MYLK: variants seen among roughly 807,000 people sequenced by gnomAD.
The protein encoded by MYLK is myosin light chain kinase, smooth muscle.
MYLK carries 106 observed loss-of-function variants against 203.4 expected under a neutral mutation model. The observed-to-expected ratio is 0.52, with a 90% CI of 0.45 to 0.61. The LOEUF is 0.61. Ranked by LOEUF, MYLK falls within the 20% of genes least tolerant of loss-of-function variation. MYLK has a pLI of 0.00. For missense variants in MYLK, 2,072 were observed against 2,442.3 expected (o/e 0.85, Z 3.20); for synonymous variants, 867 against 959.5 (o/e 0.90, Z 1.78).
At chr3:123,826,787 C>T (rs1265366825) in intron 3 of MYLK, among the ~76,000 whole-genome samples, 1 of 152,226 alleles carries the variant, frequency 6.6e-6, no homozygotes, top group African/African-American at 2.4e-5. Context: ...GCCTAGGTCA[C>T]TGAGAAATCA....
intron 3 of MYLK, among the ~76,000 whole-genome samples, chr3:123,802,922 T>C (rs2065244274): frequency 6.6e-6 from 1 of 152,172 alleles, no homozygotes. Flanking sequence ...ATTGAACTCC[T>C]ACCACCACTG....
intron 1 of MYLK, among the ~76,000 whole-genome samples, chr3:123,879,154 GC>G (rs1209061918): frequency 8.5e-5 from 13 of 152,190 alleles, no homozygotes; most frequent in African/African-American, 3.1e-4. Context: ...TCTTCTACGG[GC>G]CTCTGGGCTT....
intron 1 of MYLK, 75 bp downstream of exon 1, chr3:123,884,131 C>G (rs2033710767): frequency 6.6e-6 from 1 of 151,740 alleles, no homozygotes; most frequent in African/African-American, 2.4e-5. Flanking sequence ...CCAGCCCCCA[C>G]CCAGAACTCC....
rs1483625731 is a variant in MYLK at position 123,733,066 on chromosome 3, A to C, written c.1346T>G (p.Leu449Arg). 2 of 1,613,966 alleles carry C rather than the reference A, an allele frequency of 1.2e-6. No homozygotes were observed. Among genetic ancestry groups the C allele is most frequent in the African/African-American group, 2.7e-5 (2 of 74,932 alleles). Residue 449 changes from leucine to arginine, a missense_variant, in exon 11 of 34, where the codon CTG (leucine) becomes CGG (arginine). Coordinates refer to ENST00000360304, the MANE Select transcript of MYLK (RefSeq NM_053025.4). ...CTGTCTCCTCACGGGGGTGCCTTCCAGGAACCAGGCCACTTCAGGCTTTGG... is the reference window on the plus strand; with the variant it reads ...CTGTCTCCTCACGGGGGTGCCTTCCCGGAACCAGGCCACTTCAGGCTTTGG... ...GIPKPEVAWF[L>R]EGTPVRRQEG...
chr3:123,778,625 G>A (rs548853290), intron 4 of MYLK, among the ~76,000 whole-genome samples: 4 of 151,966 alleles, frequency 2.6e-5, no homozygotes, highest in Non-Finnish European at 5.9e-5. Context: ...GCCACCCTCA[G>A]AAGTAAAATC....
At position 123,700,578 on chromosome 3, in the gene MYLK, T is replaced by C. The variant is rs1244464825; in HGVS notation, c.2890A>G (p.Lys964Glu). 1 of 1,613,644 alleles carries C rather than the reference T, an allele frequency of 6.2e-7. No individual in the cohort carries two copies. Among genetic ancestry groups the C allele is most frequent in the Non-Finnish European group, 8.5e-7 (1 of 1,179,944 alleles). ...RSVLAKKGTS[K>E]TPVPEKVPPP... ...GGCACCTTCTCAGGCACGGGGGTCT[T>C]GGAAGTCCCCTTCTTGGCCAGGACA... The change falls in exon 18 of 34, where the codon AAG (lysine) becomes GAG (glutamate). Residue 964 changes from lysine to glutamate, a missense_variant. By Grantham distance (56) the Lys-to-Glu change is moderately conservative (BLOSUM62 1). This residue lies in a region of MYLK where 865 missense variants were observed against 1,016.0 expected (regional missense o/e 0.85). Coordinates refer to ENST00000360304, the MANE Select transcript of MYLK (RefSeq NM_053025.4).
rs142425294 is a variant in MYLK, at chr3:123,665,724, T to C, written c.3831+495A>G. 2.6e-4 allele frequency among the ~76,000 whole-genome samples: 40 copies of C among 152,370 alleles called. No individual in the cohort carries two copies. In the East Asian group the frequency reaches 6.9e-3, roughly 26 times the overall value. ...TTATGATAAATTGTAGCTAGATTTC[T>C]GGGTCAGTCAGACACAATTCTATTT... On this transcript the variant is annotated intron_variant, in intron 22 of 33. Coordinates refer to ENST00000360304, the MANE Select transcript of MYLK (RefSeq NM_053025.4).
intron 29 of MYLK, among the ~76,000 whole-genome samples, chr3:123,634,961 A>G (rs1356088140): frequency 6.6e-6 from 1 of 152,232 alleles, no homozygotes; most frequent in African/African-American, 2.4e-5. Context: ...GATCCGGGGT[A>G]AGAGTGTGGG....
At chr3:123,634,018 G>A (rs1044511752) in intron 29 of MYLK, among the ~76,000 whole-genome samples, 4 of 152,116 alleles carry the variant, frequency 2.6e-5, no homozygotes, top group Non-Finnish European at 4.4e-5. Flanking sequence ...CAGATGCCCC[G>A]ACTGTACCAG....
At chr3:123,721,652 C>T (rs1359235211) in intron 13 of MYLK, among the ~76,000 whole-genome samples, 1 of 151,766 alleles carries the variant, frequency 6.6e-6, no homozygotes, top group Non-Finnish European at 1.5e-5. Flanking sequence ...CCAGGGTCCC[C>T]CAGCATGTAA....
intron 9 of MYLK, chr3:123,735,090 G>T: frequency 2.4e-6 from 1 of 411,874 alleles, no homozygotes; most frequent in Non-Finnish European, 4.6e-6. Context: ...GCCCTGGAAT[G>T]AGGAAGGCGG....
At chr3:123,865,165 T>C (rs1388022851) in intron 2 of MYLK, among the ~76,000 whole-genome samples, 2 of 152,206 alleles carry the variant, frequency 1.3e-5, no homozygotes, top group Non-Finnish European at 2.9e-5. Context: ...TCAACAATAT[T>C]TGATGACTCT....
chr3:123,704,040 T>C (rs2061353884), intron 16 of MYLK, among the ~76,000 whole-genome samples: 1 of 152,232 alleles, frequency 6.6e-6, no homozygotes, highest in African/African-American at 2.4e-5. Flanking sequence ...CCATGACCTG[T>C]GCTCAAGGTG....
At position 123,640,459 on chromosome 3, in the gene MYLK, A is replaced by G; in HGVS notation, c.4665T>C (p.Phe1555=). ...ELFERIIDED[F]ELTERECIKY... ...TGATGCACTCACGCTCCGTCAGCTC[A>G]AAGTCCTCGTCAATGATGCGCTCAA... Residue 1555 remains phenylalanine, a synonymous_variant, in exon 28 of 34, where the codon TTT becomes TTC. Transcript: ENST00000360304. This position sits in a 1 kb window ranked among gnomAD's most constrained non-coding sequence, Gnocchi z 4.3. The G allele has an allele frequency of 6.2e-7, 1 of 1,613,824 alleles. No homozygotes were observed. The highest frequency in any genetic ancestry group is 2.2e-5 in the East Asian group (1 of 44,848).
At chr3:123,830,453 C>T (rs1577086370) in intron 3 of MYLK, among the ~76,000 whole-genome samples, 1 of 152,128 alleles carries the variant, frequency 6.6e-6, no homozygotes, top group African/African-American at 2.4e-5. Context: ...CTACATACTT[C>T]GATATGTCTT....
At chr3:123,654,505 TAGA>T (rs1002441614) in intron 24 of MYLK, among the ~76,000 whole-genome samples, 11 of 152,140 alleles carry the variant, frequency 7.2e-5, no homozygotes, top group Admixed American at 1.3e-4. Flanking sequence ...TCCTTGTAAT[TAGA>T]AGAAGTCAAA....
At chr3:123,749,223 G>A (rs1012683828) in intron 5 of MYLK, among the ~76,000 whole-genome samples, 7 of 151,670 alleles carry the variant, frequency 4.6e-5, no homozygotes, top group African/African-American at 1.7e-4. Context: ...AGGCTGCAGT[G>A]AGCTGTGATT....
intron 4 of MYLK, among the ~76,000 whole-genome samples, chr3:123,767,295 A>G (rs2063736836): frequency 6.6e-6 from 1 of 152,204 alleles, no homozygotes; most frequent in African/African-American, 2.4e-5. Flanking sequence ...AGCGCAACTC[A>G]TTCTTCGTCT....
chr3:123,730,261 G>C (rs2062429833), intron 11 of MYLK, among the ~76,000 whole-genome samples: 1 of 152,108 alleles, frequency 6.6e-6, no homozygotes, highest in African/African-American at 2.4e-5. Flanking sequence ...AAGCAAGCAA[G>C]AAAATAACAA....
Sources: allele counts gnomAD v4.1 joint callset (sites outside exome capture counted in the v4.1 genomes callset), GRCh38; gene constraint gnomAD v4.1.1; regional missense constraint gnomAD v4.1.1; non-coding constraint Gnocchi (gnomAD v3.1); transcripts MANE v1.5; gene names NCBI Gene and HGNC (gene_info 2026-07-23, HGNC 2026-07-21).